The following ROBO2 variants were observed in gnomAD, a reference collection of about 807,000 sequenced individuals.
ROBO2 encodes roundabout guidance receptor 2.
A neutral mutation model predicts 160.8 loss-of-function variants in ROBO2; 53 were observed. The ratio of observed to expected loss-of-function variants is 0.33; its 90% confidence interval spans 0.26 to 0.41. The LOEUF is 0.41. ROBO2 is among the 10% of genes least tolerant of loss of function. ROBO2 has a pLI of 1.00. For synonymous variants in ROBO2, 664 were observed against 611.7 expected, an observed-to-expected ratio of 1.09 and a Z score of -1.26; for missense variants, 1,577 against 1,722.4, an observed-to-expected ratio of 0.92 and a Z score of 1.49.
intron 1 of ROBO2, among the ~76,000 whole-genome samples, chr3:77,054,653 G>A (rs1043325937): frequency 6.6e-5 from 10 of 152,060 alleles, no homozygotes; most frequent in Admixed American, 3.9e-4. Context: ...GATAGAAATC[G>A]CCATTTTTTT....
intron 2 of ROBO2, among the ~76,000 whole-genome samples, chr3:77,468,512 G>A (rs941949519): frequency 6.6e-6 from 1 of 152,090 alleles, no homozygotes; most frequent in Non-Finnish European, 1.5e-5. Flanking sequence ...AAACATAAGT[G>A]GAAAACATTA....
At chr3:76,848,905 T>C (rs1468957739) in intron 2 of ROBO2, among the ~76,000 whole-genome samples, 2 of 152,210 alleles carry the variant, frequency 1.3e-5, no homozygotes, top group African/African-American at 4.8e-5. Flanking sequence ...AAGCATGCTA[T>C]GTACTTAAGA....
intron 19 of ROBO2, among the ~76,000 whole-genome samples, chr3:77,601,569 T>G (rs184383253): frequency 4.6e-5 from 7 of 152,296 alleles, no homozygotes; most frequent in Admixed American, 4.6e-4. Context: ...ATAGCATAAA[T>G]TAAACTCACC....
intron 2 of ROBO2, among the ~76,000 whole-genome samples, chr3:76,172,816 A>G (rs2073092687): frequency 6.6e-6 from 1 of 152,170 alleles, no homozygotes; most frequent in Non-Finnish European, 1.5e-5. Flanking sequence ...AAGCTGTTTT[A>G]TAAATGGAAA....
At chr3:76,940,445 C>A (rs1258811425) in intron 2 of ROBO2, among the ~76,000 whole-genome samples, 1 of 152,184 alleles carries the variant, frequency 6.6e-6, no homozygotes, top group African/African-American at 2.4e-5. Flanking sequence ...TAGCTACTTT[C>A]GTTCTCGATA....
chr3:77,638,009 G>C (rs1169458390), intron 24 of ROBO2, among the ~76,000 whole-genome samples: 1 of 152,176 alleles, frequency 6.6e-6, no homozygotes, highest in Non-Finnish European at 1.5e-5. Context: ...TAGAAGTAGT[G>C]ATATAGCAAA....
At chr3:77,078,890 T>C (rs1283525224) in intron 1 of ROBO2, among the ~76,000 whole-genome samples, 2 of 152,174 alleles carry the variant, frequency 1.3e-5, no homozygotes, top group Non-Finnish European at 2.9e-5. Context: ...TTGTCTTTCA[T>C]ATCTTACTCT....
intron 2 of ROBO2, among the ~76,000 whole-genome samples, chr3:77,389,492 A>G (rs1432578081): frequency 6.6e-6 from 1 of 152,128 alleles, no homozygotes; most frequent in Non-Finnish European, 1.5e-5. Flanking sequence ...GCCACACAAC[A>G]TACTTTGGTA....
At chr3:76,857,874 A>C (rs941856215) in intron 2 of ROBO2, among the ~76,000 whole-genome samples, 1 of 152,166 alleles carries the variant, frequency 6.6e-6, no homozygotes, top group Non-Finnish European at 1.5e-5. Context: ...CTTTATAGCT[A>C]AGCCTTTTAC....
intron 2 of ROBO2, among the ~76,000 whole-genome samples, chr3:76,153,644 T>C (rs1478299448): frequency 2.0e-5 from 3 of 152,150 alleles, no homozygotes; most frequent in African/African-American, 4.8e-5. Context: ...ACAATCCTCA[T>C]GGCTTAACAT....
intron 18 of ROBO2, among the ~76,000 whole-genome samples, chr3:77,595,416 T>C (rs902140343): frequency 1.3e-5 from 2 of 152,170 alleles, no homozygotes; most frequent in African/African-American, 4.8e-5. Context: ...GTAGTAAATA[T>C]CACATGGAAT....
chr3:77,279,151 C>T (rs184061732), intron 2 of ROBO2, among the ~76,000 whole-genome samples: 5 of 151,998 alleles, frequency 3.3e-5, no homozygotes, highest in South Asian at 2.1e-4. Context: ...CTTTTTTTCA[C>T]GTAAACAATT....
intron 2 of ROBO2, among the ~76,000 whole-genome samples, chr3:77,328,483 A>G (rs1390569002): frequency 6.6e-6 from 1 of 152,200 alleles, no homozygotes; most frequent in African/African-American, 2.4e-5. Context: ...TAAAGTTCTA[A>G]TCTAGCTTTT....
intron 2 of ROBO2, among the ~76,000 whole-genome samples, chr3:76,365,313 A>G (rs1043638534): frequency 4.6e-5 from 7 of 152,060 alleles, no homozygotes. Flanking sequence ...CAGGTAGATG[A>G]TCCCTGTTCA....
chr3:77,574,527 G>T, exon 14 of ROBO2: 1 of 1,613,310 alleles, frequency 6.2e-7, no homozygotes, highest in Non-Finnish European at 8.5e-7. Flanking sequence ...TTTATCCAAG[G>T]CTACCGAGTG....
intron 2 of ROBO2, among the ~76,000 whole-genome samples, chr3:76,646,074 T>C (rs1219288586): frequency 6.6e-6 from 1 of 152,092 alleles, no homozygotes; most frequent in Non-Finnish European, 1.5e-5. Flanking sequence ...CCTCAGGTAA[T>C]TGAGATTCTT....
At chr3:76,973,557 T>A (rs1159521675) in intron 2 of ROBO2, among the ~76,000 whole-genome samples, 1 of 152,112 alleles carries the variant, frequency 6.6e-6, no homozygotes, top group African/African-American at 2.4e-5. Flanking sequence ...TCCAACATCT[T>A]ATACCTTATT....
At chr3:77,265,505 A>T (rs2153345554) in intron 2 of ROBO2, among the ~76,000 whole-genome samples, 1 of 152,308 alleles carries the variant, frequency 6.6e-6, no homozygotes, top group South Asian at 2.1e-4. Flanking sequence ...ATACACTTGC[A>T]GAAATGAAAT....
intron 2 of ROBO2, among the ~76,000 whole-genome samples, chr3:77,122,921 A>G (rs2074923504): frequency 6.6e-6 from 1 of 152,054 alleles, no homozygotes; most frequent in Non-Finnish European, 1.5e-5. Context: ...TCCAACATAC[A>G]GTCCTCCCTA....
Sources: allele counts gnomAD v4.1 joint callset (sites outside exome capture counted in the v4.1 genomes callset), GRCh38; gene constraint gnomAD v4.1.1; transcripts MANE v1.5; gene names NCBI Gene and HGNC (gene_info 2026-07-23, HGNC 2026-07-21).